CERT1: variants seen among roughly 807,000 people sequenced by gnomAD.
The protein encoded by CERT1 is ceramide transfer protein.
CERT1 carries 31 observed loss-of-function variants against 87.9 expected under a neutral mutation model. The observed-to-expected ratio is 0.35, with a 90% CI of 0.27 to 0.48. The LOEUF (loss-of-function observed/expected upper bound fraction) is 0.48, where lower values mean the gene tolerates loss of function less well. Among genes scored for constraint, CERT1 ranks in the 20% least tolerant of loss-of-function variants. The pLI is 0.99. For missense variants in CERT1, 487 were observed against 758.0 expected (o/e 0.64, Z 4.20); for synonymous variants, 289 against 250.9 (o/e 1.15, Z -1.44).
chr5:75,384,725 G>GAAT lies in CERT1; in HGVS notation c.1418-16_1418-14dup. 6.6e-7 allele frequency: 1 copy of GAAT among 1,503,880 alleles called. No homozygotes were observed. The highest frequency in any genetic ancestry group is 1.4e-5 in the African/African-American group (1 of 72,716). 93.2% of individuals were successfully genotyped at this position (1,503,880 alleles called of 1,614,324 possible). A position where few individuals can be genotyped will look rare whatever the true frequency, so the allele number is the denominator to read the frequency against. ...TTTTCTATAGTTGCTGAAATGAAGA[G>GAAT]AATAATAAAAAGATATATTATCTTT... On this transcript the variant is annotated splice_polypyrimidine_tract_variant and intron_variant, in intron 13 of 16. Coordinates refer to ENST00000643780, the MANE Select transcript of CERT1 (RefSeq NM_001379029.1).
chr5:75,416,359 A>G (rs976565560), intron 7 of CERT1, among the ~76,000 whole-genome samples: 1 of 152,220 alleles, frequency 6.6e-6, no homozygotes, highest in Non-Finnish European at 1.5e-5. Context: ...TAGAAACTAA[A>G]GAGTCATACT....
chr5:75,436,003 G>C (rs113398275), intron 3 of CERT1, among the ~76,000 whole-genome samples: 1,828 of 152,260 alleles, frequency 0.012, 36 homozygotes, highest in African/African-American at 0.042. Flanking sequence ...ATGCATGCCA[G>C]CTGGGGCAGC....
At chr5:75,397,106 A>ATTGT (rs896040209) in intron 11 of CERT1, among the ~76,000 whole-genome samples, 1 of 152,248 alleles carries the variant, frequency 6.6e-6, no homozygotes, top group African/African-American at 2.4e-5. Flanking sequence ...TCTATTATAA[A>ATTGT]GGAACTGCTG....
intron 11 of CERT1, among the ~76,000 whole-genome samples, chr5:75,391,889 A>G (rs1762038308): frequency 6.6e-6 from 1 of 152,196 alleles, no homozygotes; most frequent in African/African-American, 2.4e-5. Context: ...TGCTTCCCCC[A>G]AATAAACCCT....
intron 1 of CERT1, among the ~76,000 whole-genome samples, chr5:75,506,800 T>C (rs1173158222): frequency 1.3e-5 from 2 of 152,322 alleles, no homozygotes; most frequent in South Asian, 2.1e-4. Flanking sequence ...AAAAATAAAA[T>C]TGCTTTTCAA....
At chr5:75,402,801 A>C in intron 9 of CERT1, 171 bp downstream of exon 9, 1 of 283,008 alleles carries the variant, frequency 3.5e-6, no homozygotes, top group Non-Finnish European at 6.7e-6. Flanking sequence ...CTCTGTCTCA[A>C]AAAAAAAAAA....
chr5:75,375,603 AAATAAATAAATAAATAAATAAAT>A (rs1761265544), downstream of CERT1: 2 of 140,840 alleles, frequency 1.4e-5, no homozygotes, highest in African/African-American at 5.7e-5. Context: ...ATAAATAAAT[AAATAAATAAATAAATAAATAAAT>A]AAATAAAATA....
At chr5:75,498,939 G>A (rs1049608854) in intron 2 of CERT1, among the ~76,000 whole-genome samples, 2 of 152,250 alleles carry the variant, frequency 1.3e-5, no homozygotes, top group Admixed American at 1.3e-4. Flanking sequence ...AGGGGGGCTT[G>A]TACTCTGCAA....
intron 5 of CERT1, among the ~76,000 whole-genome samples, chr5:75,422,912 C>G (rs1365639784): frequency 6.6e-6 from 1 of 152,108 alleles, no homozygotes; most frequent in African/African-American, 2.4e-5. Context: ...GGGAGGCTAC[C>G]TATAAGCCAA....
At chr5:75,480,489 T>C (rs1247940077) in intron 2 of CERT1, among the ~76,000 whole-genome samples, 1 of 152,114 alleles carries the variant, frequency 6.6e-6, no homozygotes, top group Non-Finnish European at 1.5e-5. Context: ...TCTGAAGCAA[T>C]CGTCAATGCT....
At chr5:75,394,393 GC>G (rs1293064684) in intron 11 of CERT1, among the ~76,000 whole-genome samples, 1 of 152,128 alleles carries the variant, frequency 6.6e-6, no homozygotes, top group Non-Finnish European at 1.5e-5. Flanking sequence ...GGTGGCCCAT[GC>G]CTGTAGTCCC....
At chr5:75,404,291 TA>T (rs11349407) in intron 8 of CERT1, among the ~76,000 whole-genome samples, 25,421 of 84,492 alleles carry the variant, frequency 0.3, 2,398 homozygotes, top group South Asian at 0.39. Flanking sequence ...ACCTACTTCA[TA>T]AAAAAAAAAA....
chr5:75,427,939 TTAC>T, intron 3 of CERT1, among the ~76,000 whole-genome samples: 1 of 152,282 alleles, frequency 6.6e-6, no homozygotes, highest in South Asian at 2.1e-4. Context: ...AAACCTATGG[TTAC>T]AATGAAAAAT....
At chr5:75,418,464 G>C (rs972068315) in intron 6 of CERT1, among the ~76,000 whole-genome samples, 3 of 152,082 alleles carry the variant, frequency 2.0e-5, no homozygotes, top group Non-Finnish European at 4.4e-5. Context: ...CCCGCCATAT[G>C]ATTAGAACAT....
chr5:75,440,866 C>T (rs1764293607), intron 3 of CERT1, among the ~76,000 whole-genome samples: 1 of 152,094 alleles, frequency 6.6e-6, no homozygotes, highest in South Asian at 2.1e-4. Context: ...ACCTTCTTTT[C>T]TTACACTTGT....
intron 7 of CERT1, among the ~76,000 whole-genome samples, chr5:75,414,991 A>G (rs1763080480): frequency 6.6e-6 from 1 of 152,216 alleles, no homozygotes; most frequent in South Asian, 2.1e-4. Flanking sequence ...GTTGATAAAC[A>G]ACTTTCTCTA....
intron 2 of CERT1, among the ~76,000 whole-genome samples, chr5:75,493,839 C>T (rs1299180142): frequency 1.3e-5 from 2 of 152,074 alleles, no homozygotes; most frequent in Non-Finnish European, 2.9e-5. Flanking sequence ...GTCCTATTTA[C>T]TACCTTTAAA....
intron 2 of CERT1, among the ~76,000 whole-genome samples, chr5:75,479,226 G>A (rs1009081303): frequency 6.6e-6 from 1 of 152,048 alleles, no homozygotes; most frequent in Non-Finnish European, 1.5e-5. Flanking sequence ...GATTCAGTGG[G>A]TGAGGCATCA....
In CERT1 at chr5:75,425,587, TC is replaced by T; in HGVS notation, c.457-89del. On this transcript the variant is annotated intron_variant, in intron 4 of 16. Coordinates refer to ENST00000643780, the MANE Select transcript of CERT1 (RefSeq NM_001379029.1). ...TATGGTATTTCATCAACTTTTAAGG[TC>T]TGCACCTTATAACTGAGGGCATGGG... 12 of 1,312,386 alleles carry T rather than the reference TC, an allele frequency of 9.1e-6. 1 individual carries two copies. In the Middle Eastern group the frequency reaches 2.3e-3, roughly 249 times the overall value. 81.3% of individuals were successfully genotyped at this position (1,312,386 alleles called of 1,614,324 possible). A position where few individuals can be genotyped will look rare whatever the true frequency, so the allele number is the denominator to read the frequency against.
Sources: gnomAD v4.1 joint callset for allele counts (sites outside exome capture counted in the v4.1 genomes callset) on GRCh38, gnomAD v4.1.1 for gene constraint, MANE v1.5 for transcripts, NCBI Gene and HGNC (gene_info 2026-07-23, HGNC 2026-07-21) for gene names.